Variants in RSRC1 observed in about 807,000 individuals in gnomAD.
RSRC1 encodes serine/Arginine-related protein 53.
RSRC1 carries 39 observed loss-of-function variants against 49.1 expected under a neutral mutation model. The observed-to-expected ratio is 0.79, with a 90% CI of 0.61 to 1.04. RSRC1 has a LOEUF of 1.04. Ranked by LOEUF, RSRC1 falls within the 50% of genes least tolerant of loss-of-function variation. The probability of loss-of-function intolerance (pLI) is 0.00; values close to 1 mark genes in which losing one functional copy is unlikely to be tolerated. For missense variants in RSRC1, 388 were observed against 402.4 expected, an observed-to-expected ratio of 0.96 and a Z score of 0.31; for synonymous variants, 143 against 130.8, an observed-to-expected ratio of 1.09 and a Z score of -0.63.
chr3:158,505,344 C>T (rs1427880666), intron 7 of RSRC1, among the ~76,000 whole-genome samples: 2 of 152,294 alleles, frequency 1.3e-5, no homozygotes, highest in East Asian at 3.9e-4. Flanking sequence ...TTGGTATAAG[C>T]AGGGCTCTAA....
At chr3:158,422,198 T>A (rs1170946559) in intron 6 of RSRC1, among the ~76,000 whole-genome samples, 1 of 148,880 alleles carries the variant, frequency 6.7e-6, no homozygotes, top group Non-Finnish European at 1.5e-5. Flanking sequence ...TAGCATTAGG[T>A]ATATCTCCCA....
At chr3:158,471,108 C>T (rs1301314363) in intron 7 of RSRC1, among the ~76,000 whole-genome samples, 1 of 152,202 alleles carries the variant, frequency 6.6e-6, no homozygotes, top group African/African-American at 2.4e-5. Context: ...GGCCCTAGCC[C>T]CAAGAGGCAA....
chr3:158,244,794 A>G (rs935476368), intron 4 of RSRC1, among the ~76,000 whole-genome samples: 2 of 152,030 alleles, frequency 1.3e-5, no homozygotes, highest in Admixed American at 1.3e-4. Context: ...TTAGTGCTGC[A>G]GTTTCAGAAC....
chr3:158,280,657 TTTTTTTTG>T (rs1318571277), intron 4 of RSRC1, among the ~76,000 whole-genome samples: 1 of 143,736 alleles, frequency 7.0e-6, no homozygotes, highest in African/African-American at 2.6e-5. Context: ...TTTTTTTTTT[TTTTTTTTG>T]AGACGGAGTC....
At chr3:158,160,824 TATC>T (rs1718170381) in intron 3 of RSRC1, among the ~76,000 whole-genome samples, 1 of 152,186 alleles carries the variant, frequency 6.6e-6, no homozygotes, top group Non-Finnish European at 1.5e-5. Context: ...GGAATTATGT[TATC>T]ATCCTAGGTT....
intron 6 of RSRC1, among the ~76,000 whole-genome samples, chr3:158,356,894 A>T (rs1347082961): frequency 1.3e-5 from 2 of 152,086 alleles, no homozygotes; most frequent in East Asian, 1.9e-4. Flanking sequence ...TAGATGTGAT[A>T]CTCCAGACCT....
chr3:158,252,464 C>T (rs888005876), intron 4 of RSRC1, among the ~76,000 whole-genome samples: 3 of 152,240 alleles, frequency 2.0e-5, no homozygotes, highest in East Asian at 1.9e-4. Flanking sequence ...CACGCCCGGC[C>T]GATGAATGTG....
intron 7 of RSRC1, among the ~76,000 whole-genome samples, chr3:158,475,130 C>T (rs1035917162): frequency 1.3e-5 from 2 of 151,930 alleles, no homozygotes; most frequent in Non-Finnish European, 1.5e-5. Flanking sequence ...CACTATGTTG[C>T]CCAGGCTGGT....
chr3:158,498,862 C>T (rs1739465559), intron 7 of RSRC1, among the ~76,000 whole-genome samples: 1 of 152,068 alleles, frequency 6.6e-6, no homozygotes, highest in Non-Finnish European at 1.5e-5. Flanking sequence ...TTTGCTTTGT[C>T]GAAGATCAGT....
intron 5 of RSRC1, among the ~76,000 whole-genome samples, chr3:158,351,021 A>C (rs1730843747): frequency 6.6e-6 from 1 of 152,190 alleles, no homozygotes; most frequent in South Asian, 2.1e-4. Flanking sequence ...TTCTTTAAAA[A>C]AAATAACTAT....
rs201367872 is a variant in RSRC1 at position 158,438,820 on chromosome 3, G to A, written c.584-22115G>A. The stretch of plus-strand genomic sequence containing the variant: ...CAACAAAAGCCAGAATTGACAAATG[G>A]GATCTAATTAAACTAAAGAGCTTCT... On this transcript the variant is annotated intron_variant, in intron 6 of 9. Coordinates refer to ENST00000611884, the MANE Select transcript of RSRC1 (RefSeq NM_001271838.2). Among the ~76,000 whole-genome samples the A allele has an allele frequency of 2.0e-5, 3 of 152,118 alleles. No homozygotes were observed. The South Asian group carries it at 6.2e-4, about 31-fold the overall frequency.
chr3:158,298,136 C>T lies in RSRC1; in HGVS notation c.531+61C>T, dbSNP rs892177979. On this transcript the variant is annotated intron_variant, in intron 5 of 9. Transcript: ENST00000611884. ...CTTTGATATCTGCATTCTAAATGAA[C>T]ACTTTTGAATGAGCTTTGAATACTT... 9.0e-6 allele frequency: 11 copies of T among 1,218,898 alleles called. No homozygotes were observed. The African/African-American group carries it at 1.6e-4, about 18-fold the overall frequency. 75.5% of individuals were successfully genotyped at this position (1,218,898 alleles called of 1,614,324 possible). A position where few individuals can be genotyped will look rare whatever the true frequency, so the allele number is the denominator to read the frequency against.
chr3:158,128,596 A>G (rs912589279), intron 3 of RSRC1, among the ~76,000 whole-genome samples: 2 of 152,136 alleles, frequency 1.3e-5, no homozygotes, highest in Admixed American at 6.5e-5. Flanking sequence ...TATACCCCTC[A>G]TATCACCTCA....
intron 7 of RSRC1, among the ~76,000 whole-genome samples, chr3:158,466,532 A>G (rs1157131101): frequency 6.6e-6 from 1 of 152,312 alleles, no homozygotes; most frequent in East Asian, 1.9e-4. Context: ...CAGGTGTACA[A>G]TCCTGAGAGT....
At chr3:158,475,599 A>C (rs1332878277) in intron 7 of RSRC1, among the ~76,000 whole-genome samples, 3 of 152,108 alleles carry the variant, frequency 2.0e-5, no homozygotes, top group Admixed American at 6.6e-5. Context: ...ATGACTGATC[A>C]GTGGTCTTGG....
intron 6 of RSRC1, among the ~76,000 whole-genome samples, chr3:158,423,356 T>C (rs1157465842): frequency 7.9e-5 from 12 of 152,140 alleles, no homozygotes; most frequent in African/African-American, 2.9e-4. Context: ...TTGCTTATTT[T>C]TCTCAGGTTT....
intron 5 of RSRC1, chr3:158,302,985 T>G (rs939720576): frequency 6.6e-6 from 1 of 152,164 alleles, no homozygotes; most frequent in African/African-American, 2.4e-5. Flanking sequence ...TTTTCTTCCA[T>G]TATGTTTTAA....
At chr3:158,368,668 A>G (rs1731905855) in intron 6 of RSRC1, among the ~76,000 whole-genome samples, 2 of 152,208 alleles carry the variant, frequency 1.3e-5, no homozygotes. Flanking sequence ...TGACAAGTGT[A>G]TAAGATTTGG....
At chr3:158,265,101 A>AAGCTCTACTTGAGTTCTCCT (rs1408414664) in intron 4 of RSRC1, among the ~76,000 whole-genome samples, 1 of 152,178 alleles carries the variant, frequency 6.6e-6, no homozygotes, top group Admixed American at 6.6e-5. Context: ...GGAGTTTGCC[A>AAGCTCTACTTGAGTTCTCCT]AGCTCTACTT....
Sources: allele counts gnomAD v4.1 joint callset (sites outside exome capture counted in the v4.1 genomes callset), GRCh38; gene constraint gnomAD v4.1.1; transcripts MANE v1.5; gene names NCBI Gene and HGNC (gene_info 2026-07-23, HGNC 2026-07-21).